The following EPS8 variants were observed in gnomAD, a reference collection of about 807,000 sequenced individuals.
EPS8 encodes the protein epidermal growth factor receptor kinase substrate 8.
A neutral mutation model predicts 103.8 loss-of-function variants in EPS8; 42 were observed. The observed-to-expected ratio is 0.40, with a 90% CI of 0.32 to 0.52. EPS8 has a LOEUF of 0.52. EPS8 is among the 20% of genes least tolerant of loss of function. The probability of loss-of-function intolerance (pLI) is 0.40; values close to 1 mark genes in which losing one functional copy is unlikely to be tolerated. For missense variants in EPS8, 969 were observed against 1,005.1 expected (o/e 0.96, Z 0.49); for synonymous variants, 344 against 344.6 (o/e 1.00, Z 0.02).
chr12:15,704,853 G>C lies in EPS8; in HGVS notation c.-21-21881C>G, dbSNP rs2135944885. 6.6e-6 allele frequency among the ~76,000 whole-genome samples: 1 copy of C among 152,280 alleles called. No individual in the cohort carries two copies. The highest frequency in any genetic ancestry group is 2.4e-5 in the African/African-American group (1 of 41,558). On this transcript the variant is annotated intron_variant, in intron 1 of 20. Coordinates refer to ENST00000281172, the MANE Select transcript of EPS8 (RefSeq NM_004447.6). The surrounding 1 kb of genome is among the most constrained non-coding windows in gnomAD (Gnocchi z 4.6). ...GCAAAGACTAGATCTTATTGTAGCT[G>C]CCTCTGTTATGGGGATGTACTAGAA...
intron 8 of EPS8, chr12:15,662,361 C>G: frequency 8.5e-7 from 1 of 1,179,576 alleles, no homozygotes; most frequent in Non-Finnish European, 1.1e-6. Context: ...CATTCTCTCT[C>G]TTCCCTGAGT....
chr12:15,654,265 A>G lies in EPS8; in HGVS notation c.1130T>C (p.Leu377Pro). The change falls in exon 13 of 21, where the codon CTA (leucine) becomes CCA (proline). Residue 377 changes from leucine (L) to proline (P), a missense_variant. Coordinates refer to ENST00000281172, the MANE Select transcript of EPS8 (RefSeq NM_004447.6). ...TAGGGGACTAAGTACTGAACTGGCT[A>G]GTTCAGGACCTCCTGTTGCCTGCAC... is the stretch of plus-strand genomic sequence containing the variant. ...MVVQATGGPELASSVLSPLLN... is the reference protein window; with the variant it reads ...MVVQATGGPEPASSVLSPLLN... 3 of 1,613,626 alleles carry G rather than the reference A, an allele frequency of 1.9e-6. No individual in the cohort carries two copies. The highest frequency in any genetic ancestry group is 2.5e-6 in the Non-Finnish European group (3 of 1,179,672).
rs183330817 is a variant in EPS8, at chr12:15,640,014, G to A, written c.1821+689C>T. On this transcript the variant is annotated intron_variant, in intron 17 of 20. Coordinates refer to ENST00000281172, the MANE Select transcript of EPS8 (RefSeq NM_004447.6). ...GAGCCTGGCACAGGTCTAAAATTCC[G>A]GAGTTTAAGAGCAAGTTAATTCAGA... Among the ~76,000 whole-genome samples the A allele has an allele frequency of 2.6e-3, 395 of 152,218 alleles. 3 individuals are homozygous for A. The highest frequency in any genetic ancestry group is 2.6e-3 in the Non-Finnish European group (177 of 68,008).
In EPS8 at chr12:15,690,090, T is replaced by C. The variant is rs1946151569; in HGVS notation, c.-21-7118A>G. ...CTGTCACCACATGATTACCTTCCTC[T>C]GCATCACCTAGAGCAAAGGACATTA... is the stretch of plus-strand genomic sequence containing the variant. On this transcript the variant is annotated intron_variant, in intron 1 of 20. Coordinates refer to ENST00000281172, the MANE Select transcript of EPS8 (RefSeq NM_004447.6). This position sits in a 1 kb window ranked among gnomAD's most constrained non-coding sequence, Gnocchi z 4.7. 6.6e-6 allele frequency among the ~76,000 whole-genome samples: 1 copy of C among 152,212 alleles called. No individual in the cohort carries two copies. The highest frequency in any genetic ancestry group is 1.5e-5 in the Non-Finnish European group (1 of 68,028).
In EPS8 at chr12:15,681,255, C is replaced by T. The variant is rs1243474310; in HGVS notation, c.107G>A (p.Gly36Asp). 1.3e-6 allele frequency: 2 copies of T among 1,567,694 alleles called. No individual in the cohort carries two copies. Among genetic ancestry groups the T allele is most frequent in the African/African-American group, 1.4e-5 (1 of 72,994 alleles). ...PTFSQTDREH[G>D]SKTSAKALYE... ...AAGGGCCTTTGCACTTGTTTTTGAA[C>T]CATGTTCTCTGTCCGTCTGGGAAAA... is the stretch of plus-strand genomic sequence containing the variant. Residue 36 changes from glycine to aspartate, a missense_variant, in exon 3 of 21, where the codon GGT (glycine) becomes GAT (aspartate). Transcript: ENST00000281172.
chr12:15,729,473 G>A (rs1317818161), intron 1 of EPS8, among the ~76,000 whole-genome samples: 1 of 151,988 alleles, frequency 6.6e-6, no homozygotes, highest in African/African-American at 2.4e-5. Context: ...GCTTCGGTTA[G>A]GGAAGTTTCT....
rs1363192278 is a variant in EPS8 at position 15,733,789 on chromosome 12, G to C, written c.-21-50817C>G. On this transcript the variant is annotated intron_variant, in intron 1 of 20. Coordinates refer to ENST00000281172, the MANE Select transcript of EPS8 (RefSeq NM_004447.6). The surrounding 1 kb of genome is among the most constrained non-coding windows in gnomAD (Gnocchi z 4.8). ...ATTAAAATTCTAGAGAAGGGACTAG[G>C]CTTTTCTCCACAGCAAGAAATGTAA... Among the ~76,000 whole-genome samples, 1 of 152,066 alleles carries C rather than the reference G, an allele frequency of 6.6e-6. No individual in the cohort carries two copies. The highest frequency in any genetic ancestry group is 1.5e-5 in the Non-Finnish European group (1 of 68,002).
intron 17 of EPS8, among the ~76,000 whole-genome samples, chr12:15,631,971 G>A (rs1198105606): frequency 6.6e-6 from 1 of 152,064 alleles, no homozygotes; most frequent in African/African-American, 2.4e-5. Context: ...AAGATGAGGG[G>A]AGGCAGAAAG....
intron 1 of EPS8, chr12:15,712,745 TA>T (rs1946483357): frequency 4.5e-6 from 2 of 443,264 alleles, no homozygotes; most frequent in South Asian, 1.9e-4. Context: ...TTACTTGGAC[TA>T]AAAGTATTGC....
At position 15,733,589 on chromosome 12, in the gene EPS8, G is replaced by C. The variant is rs1946739755; in HGVS notation, c.-21-50617C>G. Among the ~76,000 whole-genome samples the C allele has an allele frequency of 6.6e-6, 1 of 151,874 alleles. No homozygotes were observed. ...TAAAAGGACATGTGAAAACACCTCA[G>C]CCCAGAGATAAGAGGACCACATGTT... On this transcript the variant is annotated intron_variant, in intron 1 of 20. Transcript: ENST00000281172. The surrounding 1 kb of genome is among the most constrained non-coding windows in gnomAD (Gnocchi z 4.8).
In EPS8 at chr12:15,767,797, C is replaced by T. The variant is rs1278942187; in HGVS notation, c.-22+21364G>A. 2.6e-5 allele frequency among the ~76,000 whole-genome samples: 4 copies of T among 152,170 alleles called. No homozygotes were observed. The East Asian group carries it at 7.7e-4, about 29-fold the overall frequency. On this transcript the variant is annotated intron_variant, in intron 1 of 20. Transcript: ENST00000281172. This position sits in a 1 kb window ranked among gnomAD's most constrained non-coding sequence, Gnocchi z 5.5. ...TACTCATTTGTCAGTTTTAAGCTGT[C>T]TGGAAATCTGTTTTCCCAACAGGAT...
chr12:15,672,821 G>A (rs574307436), intron 3 of EPS8, among the ~76,000 whole-genome samples: 6 of 152,242 alleles, frequency 3.9e-5, no homozygotes, highest in Admixed American at 2.0e-4. Flanking sequence ...AACTGTCCAC[G>A]ATAGATTCAG....
chr12:15,638,912 A>G (rs1264970009), intron 17 of EPS8, among the ~76,000 whole-genome samples: 3 of 152,350 alleles, frequency 2.0e-5, no homozygotes, highest in East Asian at 1.9e-4. Context: ...AGAAAAAGAC[A>G]AGACTGAACA....
rs201025616 is a variant in EPS8, at chr12:15,748,641, TG to T, written c.-22+40519del. Among the ~76,000 whole-genome samples, 164 of 152,318 alleles carry T rather than the reference TG, an allele frequency of 1.1e-3. 2 individuals are homozygous for T. In the East Asian group the frequency reaches 0.03, roughly 28 times the overall value. On this transcript the variant is annotated intron_variant, in intron 1 of 20. Coordinates refer to ENST00000281172, the MANE Select transcript of EPS8 (RefSeq NM_004447.6). This position sits in a 1 kb window ranked among gnomAD's most constrained non-coding sequence, Gnocchi z 4.8. ...ACACGTAGCTTTCATTCCTTTCATC[TG>T]ATATAAAGAAAAGAAAATATGCCCA...
intron 1 of EPS8, among the ~76,000 whole-genome samples, chr12:15,694,415 G>C (rs527289623): frequency 1.2e-4 from 18 of 152,168 alleles, no homozygotes; most frequent in African/African-American, 4.3e-4. Context: ...CTAAAGCATG[G>C]ACGTGAGGCA....
rs1173793899 is a variant in EPS8 at position 15,654,242 on chromosome 12, G to A, written c.1153C>T (p.Leu385=). The A allele has an allele frequency of 6.2e-7, 1 of 1,613,448 alleles. No homozygotes were observed. Among genetic ancestry groups the A allele is most frequent in the Non-Finnish European group, 8.5e-7 (1 of 1,179,520 alleles). Residue 385 remains leucine, a synonymous_variant, in exon 13 of 21, where the codon CTA becomes TTA. Transcript: ENST00000281172. ...PELASSVLSP[L]LNKDTIDFLN... is the part of the protein sequence containing the mutation. Reference sequence around the variant, plus strand: ...AAATCAATTGTGTCCTTATTCAATAGGGGACTAAGTACTGAACTGGCTAGT... The same window carrying A: ...AAATCAATTGTGTCCTTATTCAATAAGGGACTAAGTACTGAACTGGCTAGT...
rs555428371 is a variant in EPS8 at position 15,690,300 on chromosome 12, C to G, written c.-21-7328G>C. On this transcript the variant is annotated intron_variant, in intron 1 of 20. Coordinates refer to ENST00000281172, the MANE Select transcript of EPS8 (RefSeq NM_004447.6). This position sits in a 1 kb window ranked among gnomAD's most constrained non-coding sequence, Gnocchi z 4.7. ...TTCTCTAAATCATAAATACATCTCC[C>G]GAATATTACTACAAGTAAAAACTTA... Among the ~76,000 whole-genome samples, 1 of 152,154 alleles carries G rather than the reference C, an allele frequency of 6.6e-6. No homozygotes were observed. The highest frequency in any genetic ancestry group is 1.5e-5 in the Non-Finnish European group (1 of 68,008).
rs987531562 is a variant in EPS8 at position 15,731,397 on chromosome 12, C to A, written c.-21-48425G>T. 1.3e-5 allele frequency among the ~76,000 whole-genome samples: 2 copies of A among 152,048 alleles called. No individual in the cohort carries two copies. Among genetic ancestry groups the A allele is most frequent in the African/African-American group, 4.8e-5 (2 of 41,394 alleles). On this transcript the variant is annotated intron_variant, in intron 1 of 20. Coordinates refer to ENST00000281172, the MANE Select transcript of EPS8 (RefSeq NM_004447.6). The surrounding 1 kb of genome is among the most constrained non-coding windows in gnomAD (Gnocchi z 5.1). The stretch of plus-strand genomic sequence containing the variant: ...CACTGCAACCTCAGCTTCCCAGGTT[C>A]GAGCTACTCTCCTGCCTCAGATTCC...
At position 15,757,502 on chromosome 12, in the gene EPS8, T is replaced by C. The variant is rs7311402; in HGVS notation, c.-22+31659A>G. 0.077 allele frequency among the ~76,000 whole-genome samples: 11,649 copies of C among 152,004 alleles called. 1,456 individuals carry two copies. Among genetic ancestry groups the C allele is most frequent in the African/African-American group, 0.26 (10,767 of 41,402 alleles). On this transcript the variant is annotated intron_variant, in intron 1 of 20. Coordinates refer to ENST00000281172, the MANE Select transcript of EPS8 (RefSeq NM_004447.6). This position sits in a 1 kb window ranked among gnomAD's most constrained non-coding sequence, Gnocchi z 4.1. Reference sequence around the variant, plus strand: ...AAAATTAGCTAGGCGTGGTGGCGCATGCCTGTAATCCCAGTTGCTCAGGAG... The same window carrying C: ...AAAATTAGCTAGGCGTGGTGGCGCACGCCTGTAATCCCAGTTGCTCAGGAG...
Sources: gnomAD v4.1 joint callset for allele counts (sites outside exome capture counted in the v4.1 genomes callset) on GRCh38, gnomAD v4.1.1 for gene constraint, Gnocchi (gnomAD v3.1) non-coding constraint, MANE v1.5 for transcripts, NCBI Gene and HGNC (gene_info 2026-07-23, HGNC 2026-07-21) for gene names.